MYO6: variants seen among roughly 807,000 people sequenced by gnomAD.
MYO6 encodes unconventional myosin-VI.
In MYO6, 74 loss-of-function variants were observed where a neutral mutation model predicts 178.7. The observed-to-expected ratio is 0.41, with a 90% CI of 0.34 to 0.50. MYO6 has a LOEUF of 0.50. Among genes scored for constraint, MYO6 ranks in the 20% least tolerant of loss-of-function variants. The pLI is 0.09. For synonymous variants in MYO6, 477 were observed against 504.6 expected (o/e 0.95, Z 0.73); for missense variants, 1,330 against 1,547.4 (o/e 0.86, Z 2.36).
At chr6:75,899,056 A>T (rs1038819638) in intron 30 of MYO6, among the ~76,000 whole-genome samples, 5 of 152,224 alleles carry the variant, frequency 3.3e-5, no homozygotes, top group African/African-American at 1.2e-4. Flanking sequence ...AGTCTGAATA[A>T]TCAGCAAATT....
At chr6:75,865,895 T>C (rs2149308957) in intron 16 of MYO6, among the ~76,000 whole-genome samples, 1 of 152,304 alleles carries the variant, frequency 6.6e-6, no homozygotes, top group East Asian at 1.9e-4. Flanking sequence ...TTTCTTTGAC[T>C]GGCTGCACAT....
intron 16 of MYO6, among the ~76,000 whole-genome samples, chr6:75,865,608 G>A (rs747534158): frequency 2.2e-4 from 33 of 151,626 alleles, no homozygotes; most frequent in Admixed American, 5.9e-4. Flanking sequence ...CAAGCATTCC[G>A]CCTGCCTCAG....
In MYO6 at chr6:75,817,645, C is replaced by G; in HGVS notation, c.98C>G (p.Pro33Arg). 1 of 1,613,926 alleles carries G rather than the reference C, an allele frequency of 6.2e-7. No individual in the cohort carries two copies. The highest frequency in any genetic ancestry group is 8.5e-7 in the Non-Finnish European group (1 of 1,179,852). Residue 33 changes from proline (P) to arginine (R), a missense_variant, in exon 2 of 35, where the codon CCC (proline) becomes CGC (arginine). By Grantham distance (103) the Pro-to-Arg change is moderately radical (BLOSUM62 -2). Around this residue, in one of 3 missense-constraint regions of MYO6, gnomAD observed 116 missense variants for 104.6 expected, o/e 1.11. Coordinates refer to ENST00000369977, the MANE Select transcript of MYO6 (RefSeq NM_004999.4). ...DIGPDSLTIE[P>R]LNQKGKTFLA... ...GGCCCCGACAGCTTAACAATTGAAC[C>G]CTTGAATCAGAAAGGCAAGGTGAGT...
chr6:75,867,037 A>G lies in MYO6; in HGVS notation c.1876A>G (p.Asn626Asp). Residue 626 changes from asparagine to aspartate, a missense_variant, in exon 18 of 35, where the codon AAT becomes GAT. Asn to Asp is a conservative substitution (Grantham distance 23, BLOSUM62 1). Transcript: ENST00000369977. The part of the protein sequence containing the change: ...FIRELFESST[N>D]NNKDTKQKAG... ...ACGGGAATTATTTGAATCATCCACA[A>G]ATAACAACAAAGATACTAAACAAAA... 1 of 1,614,028 alleles carries G rather than the reference A, an allele frequency of 6.2e-7. No homozygotes were observed. Among genetic ancestry groups the G allele is most frequent in the Admixed American group, 1.7e-5 (1 of 60,018 alleles).
At chr6:75,834,391 C>T (rs368054493) in intron 6 of MYO6, among the ~76,000 whole-genome samples, 18 of 152,110 alleles carry the variant, frequency 1.2e-4, no homozygotes, top group African/African-American at 4.1e-4. Flanking sequence ...GTGCCACCAT[C>T]CTGGCTAATT....
rs1381737662 is a variant in MYO6, at chr6:75,841,333, A to G, written c.771A>G (p.Glu257=). Residue 257 remains glutamate, a synonymous_variant, in exon 9 of 35, where the codon GAA becomes GAG. Transcript: ENST00000369977. ...IFYRLCAGAS[E]DIREKLHLSS... ...ATAGGTTGTGTGCTGGTGCTTCTGA[A>G]GATATTAGAGAAAAACTTCATTTGA... 2 of 1,613,958 alleles carry G rather than the reference A, an allele frequency of 1.2e-6. No individual in the cohort carries two copies. Among genetic ancestry groups the G allele is most frequent in the Non-Finnish European group, 1.7e-6 (2 of 1,179,992 alleles).
intron 11 of MYO6, among the ~76,000 whole-genome samples, chr6:75,854,610 G>A (rs940139044): frequency 3.7e-4 from 57 of 152,080 alleles, no homozygotes; most frequent in Admixed American, 1.9e-3. Context: ...TACTCAGCCT[G>A]TACAGGTAAT....
chr6:75,874,351 A>G (rs1583330629), intron 20 of MYO6, among the ~76,000 whole-genome samples: 1 of 152,186 alleles, frequency 6.6e-6, no homozygotes, highest in Non-Finnish European at 1.5e-5. Context: ...CATCGTCATT[A>G]TCTTTAAAGG....
chr6:75,859,592 G>A (rs1199813658), intron 14 of MYO6, among the ~76,000 whole-genome samples: 16 of 151,072 alleles, frequency 1.1e-4, no homozygotes, highest in Non-Finnish European at 7.4e-5. Flanking sequence ...GAGCCACCGC[G>A]CCTGGCCTGT....
At chr6:75,867,920 CTA>C (rs1562265708) in intron 18 of MYO6, among the ~76,000 whole-genome samples, 1 of 151,972 alleles carries the variant, frequency 6.6e-6, no homozygotes, top group Non-Finnish European at 1.5e-5. Context: ...GAATGACAAA[CTA>C]TAGTATGTAG....
chr6:75,793,833 A>G (rs1367982942), intron 1 of MYO6, among the ~76,000 whole-genome samples: 2 of 152,172 alleles, frequency 1.3e-5, no homozygotes, highest in East Asian at 1.9e-4. Flanking sequence ...AAAAAAAATT[A>G]CATAGTTGGG....
chr6:75,804,892 A>G, intron 1 of MYO6, among the ~76,000 whole-genome samples: 1 of 144,802 alleles, frequency 6.9e-6, no homozygotes, highest in East Asian at 2.7e-4. Flanking sequence ...ACACACACAC[A>G]TATATATACA....
At chr6:75,843,653 A>C (rs992815118) in intron 9 of MYO6, among the ~76,000 whole-genome samples, 45 of 152,262 alleles carry the variant, frequency 3.0e-4, no homozygotes, top group Middle Eastern at 3.4e-3. Flanking sequence ...TTAAACTATT[A>C]TTCTGCTAAG....
chr6:75,845,966 G>A (rs1486890442), intron 10 of MYO6, among the ~76,000 whole-genome samples: 1 of 148,054 alleles, frequency 6.8e-6, no homozygotes, highest in Non-Finnish European at 1.5e-5. Context: ...CAGCCTGGGC[G>A]ACAGAACGAG....
rs1781055365 is a variant in MYO6, at chr6:75,915,148, T to C, written c.*136T>C. 1 of 922,760 alleles carries C rather than the reference T, an allele frequency of 1.1e-6. No individual in the cohort carries two copies. 57.2% of individuals were successfully genotyped at this position (922,760 alleles called of 1,614,324 possible). On this transcript the variant is annotated 3_prime_UTR_variant, in exon 35 of 35. Coordinates refer to ENST00000369977, the MANE Select transcript of MYO6 (RefSeq NM_004999.4). Reference sequence around the variant, plus strand: ...GAACAGATTTTATTAATCACGGCTTTTGGTGAATTTGTTTAAGGTTAATTA... The same window carrying C: ...GAACAGATTTTATTAATCACGGCTTCTGGTGAATTTGTTTAAGGTTAATTA...
chr6:75,876,986 T>G (rs1013672633), intron 20 of MYO6, among the ~76,000 whole-genome samples: 9 of 152,232 alleles, frequency 5.9e-5, no homozygotes, highest in Non-Finnish European at 1.2e-4. Context: ...TACTATTTTT[T>G]TTTTTGAGAC....
intron 6 of MYO6, among the ~76,000 whole-genome samples, chr6:75,833,456 A>C (rs1773331240): frequency 6.6e-6 from 1 of 152,204 alleles, no homozygotes; most frequent in Non-Finnish European, 1.5e-5. Flanking sequence ...CCCATGCAAC[A>C]ACAACTCCAT....
At chr6:75,775,963 G>T (rs1386850590) in intron 1 of MYO6, among the ~76,000 whole-genome samples, 1 of 152,210 alleles carries the variant, frequency 6.6e-6, no homozygotes, top group Non-Finnish European at 1.5e-5. Flanking sequence ...ATTTCTTTAA[G>T]ATTTTATCCT....
chr6:75,795,012 G>T (rs1345735538), intron 1 of MYO6, among the ~76,000 whole-genome samples: 2 of 152,186 alleles, frequency 1.3e-5, no homozygotes, highest in Non-Finnish European at 1.5e-5. Context: ...AATTGTAGCT[G>T]AGTTGAATTT....
Sources: allele counts gnomAD v4.1 joint callset (sites outside exome capture counted in the v4.1 genomes callset), GRCh38; gene constraint gnomAD v4.1.1; regional missense constraint gnomAD v4.1.1; transcripts MANE v1.5; gene names NCBI Gene and HGNC (gene_info 2026-07-23, HGNC 2026-07-21).